The following CELF2 variants were observed in gnomAD, a reference collection of about 807,000 sequenced individuals.
CELF2 encodes the protein CUG triplet repeat RNA-binding protein 2.
A neutral mutation model predicts 62.6 loss-of-function variants in CELF2; 8 were observed. That is an observed-to-expected ratio of 0.13 (90% confidence interval 0.07 to 0.23). The LOEUF (loss-of-function observed/expected upper bound fraction) is 0.23, where lower values mean the gene tolerates loss of function less well. CELF2 is among the 10% of genes least tolerant of loss of function. The pLI is 1.00. For synonymous variants in CELF2, 258 were observed against 250.0 expected (o/e 1.03, Z -0.30); for missense variants, 333 against 671.0 (o/e 0.50, Z 5.56).
rs565445658 is a variant in CELF2 at position 11,282,969 on chromosome 10, T to G, written c.842-5449T>G. ...CTCTTTAAGACATGGGGTCTCACTC[T>G]GTTGCCCAGGCTGGACTTGAACTCC... On this transcript the variant is annotated intron_variant, in intron 8 of 12. Transcript: ENST00000633077. Among the ~76,000 whole-genome samples the G allele has an allele frequency of 3.3e-5, 5 of 152,360 alleles. No homozygotes were observed. In the South Asian group the frequency reaches 8.3e-4, roughly 25 times the overall value.
At chr10:11,231,383 G>A (rs1325243693) in intron 3 of CELF2, among the ~76,000 whole-genome samples, 2 of 152,150 alleles carry the variant, frequency 1.3e-5, no homozygotes, top group Non-Finnish European at 1.5e-5. Flanking sequence ...GCAGTTGGGC[G>A]ACCAAATAAG....
rs2053869592 is a variant in CELF2, at chr10:10,995,606, A to G, written c.89+75607A>G. ...GACATAGGTGGATCTCATGGGCATT[A>G]TTATGTGGCTTGGACTTCATCTTAG... is the stretch of plus-strand genomic sequence containing the variant. On this transcript the variant is annotated intron_variant, in intron 2 of 13. Coordinates refer to the CELF2 transcript ENST00000636488. This position sits in a 1 kb window ranked among gnomAD's most constrained non-coding sequence, Gnocchi z 4.7. 6.6e-6 allele frequency among the ~76,000 whole-genome samples: 1 copy of G among 152,178 alleles called. No individual in the cohort carries two copies. The highest frequency in any genetic ancestry group is 2.4e-5 in the African/African-American group (1 of 41,442).
rs1310375511 is a variant in CELF2, at chr10:11,324,267, C to G, written c.1295-1569C>G. Among the ~76,000 whole-genome samples the G allele has an allele frequency of 1.3e-5, 2 of 152,216 alleles. No homozygotes were observed. Among genetic ancestry groups the G allele is most frequent in the East Asian group, 1.9e-4 (1 of 5,204 alleles). ...GTTCAAACTGGGGCCCAATAACTCT[C>G]ATTTGTGCATTTGGATCTTTTGTGC... is the stretch of plus-strand genomic sequence containing the variant. On this transcript the variant is annotated intron_variant, in intron 11 of 12. Transcript: ENST00000633077. The surrounding 1 kb of genome is among the most constrained non-coding windows in gnomAD (Gnocchi z 4.7).
chr10:10,753,506 C>T, the CELF2 span, among the ~76,000 whole-genome samples: 41 of 152,264 alleles, frequency 2.7e-4, no homozygotes, highest in African/African-American at 9.6e-4. Context: ...GGTATCATTG[C>T]GGATACGAAT....
At chr10:11,287,396 T>C (rs1256616697) in intron 8 of CELF2, among the ~76,000 whole-genome samples, 28 of 152,216 alleles carry the variant, frequency 1.8e-4, no homozygotes, top group Admixed American at 1.8e-3. Context: ...GGAGAAAAGA[T>C]AGTTAAACTA....
At chr10:10,971,572 GTTGT>G (rs1219933320) in intron 2 of CELF2, among the ~76,000 whole-genome samples, 10 of 151,930 alleles carry the variant, frequency 6.6e-5, no homozygotes, top group Non-Finnish European at 1.3e-4. Flanking sequence ...TGTTGTTGTT[GTTGT>G]TTGTTTGTTT....
the CELF2 span, among the ~76,000 whole-genome samples, chr10:10,542,881 C>T: frequency 7.2e-5 from 11 of 152,142 alleles, no homozygotes; most frequent in Admixed American, 2.0e-4. Flanking sequence ...TGTTGGTCTC[C>T]TGGGCTGGAC....
At chr10:11,248,483 C>T (rs567756013) in intron 3 of CELF2, among the ~76,000 whole-genome samples, 50 of 152,146 alleles carry the variant, frequency 3.3e-4, no homozygotes, top group Admixed American at 3.2e-3. Context: ...GCTCTTTGTT[C>T]GTATTCTGTA....
rs528749012 is a variant in CELF2 at position 11,224,298 on chromosome 10, C to A, written c.354+6791C>A. On this transcript the variant is annotated intron_variant, in intron 3 of 12. Coordinates refer to ENST00000633077, the MANE Select transcript of CELF2 (RefSeq NM_001326342.2). The surrounding 1 kb of genome is among the most constrained non-coding windows in gnomAD (Gnocchi z 4.5). ...TAACGCGCTGGTACTGGTGCCTGAT[C>A]AGATTTGCAAAAGTGCCTTGTGTCA... is the stretch of plus-strand genomic sequence containing the variant. Among the ~76,000 whole-genome samples, 2 of 152,246 alleles carry A rather than the reference C, an allele frequency of 1.3e-5. No individual in the cohort carries two copies. The highest frequency in any genetic ancestry group is 4.8e-5 in the African/African-American group (2 of 41,528).
At chr10:10,469,749 A>C in the CELF2 span, among the ~76,000 whole-genome samples, 1 of 151,714 alleles carries the variant, frequency 6.6e-6, no homozygotes, top group Admixed American at 6.6e-5. Flanking sequence ...TGTTTGATGG[A>C]ATTTACCAGT....
At chr10:10,666,868 A>G in the CELF2 span, among the ~76,000 whole-genome samples, 1 of 149,858 alleles carries the variant, frequency 6.7e-6, no homozygotes, top group Non-Finnish European at 1.5e-5. Flanking sequence ...TCTCAAAAAA[A>G]AAAAAAAAAA....
intron 1 of CELF2, among the ~76,000 whole-genome samples, chr10:11,137,734 A>G (rs1468896400): frequency 6.6e-6 from 1 of 152,282 alleles, no homozygotes; most frequent in Non-Finnish European, 1.5e-5. Flanking sequence ...CGACAAATTC[A>G]GCTCCACAGA....
chr10:10,557,203 T>G, the CELF2 span, among the ~76,000 whole-genome samples: 141 of 136,306 alleles, frequency 1.0e-3, 3 homozygotes, highest in South Asian at 0.033. Context: ...CTTGAATTGA[T>G]TTTTGTATAA....
intron 1 of CELF2, among the ~76,000 whole-genome samples, chr10:10,851,464 A>G (rs117675412): frequency 8.5e-5 from 13 of 152,318 alleles, no homozygotes; most frequent in Non-Finnish European, 1.6e-4. Flanking sequence ...CGACCTCAAT[A>G]TAAAACTTAA....
Position 10,931,675 on chromosome 10 carries a change from A to G in CELF2, c.89+11676A>G, listed in dbSNP as rs965508525. Among the ~76,000 whole-genome samples, 1 of 152,234 alleles carries G rather than the reference A, an allele frequency of 6.6e-6. No individual in the cohort carries two copies. The highest frequency in any genetic ancestry group is 1.5e-5 in the Non-Finnish European group (1 of 68,034). ...TGCGTATGGTTTACAAGTTTTTAAA[A>G]TACATACCTAATTAATAATGGAGAT... On this transcript the variant is annotated intron_variant, in intron 2 of 13. Transcript: ENST00000636488. This position sits in a 1 kb window ranked among gnomAD's most constrained non-coding sequence, Gnocchi z 6.1.
At position 11,049,115 on chromosome 10, in the gene CELF2, G is replaced by T. The variant is rs1456633126; in HGVS notation, c.74+30952G>T. 1.8e-4 allele frequency among the ~76,000 whole-genome samples: 18 copies of T among 102,786 alleles called. No individual in the cohort carries two copies. The East Asian group carries it at 3.8e-3, about 22-fold the overall frequency. The allele number at this position is 102,786 out of a possible 152,430, so 67.4% of individuals were successfully genotyped here. On this transcript the variant is annotated intron_variant, in intron 1 of 12. Transcript: ENST00000633077. The stretch of plus-strand genomic sequence containing the variant: ...GTTCTTATGTAACCTTGAACAAACT[G>T]TTCTGTTAAAAAAAAAAAAAGTCTT...
In CELF2 at chr10:11,270,847, G is replaced by A. The variant is rs762562363; in HGVS notation, c.777+23G>A. The A allele has an allele frequency of 1.7e-5, 23 of 1,349,886 alleles. No homozygotes were observed. Among genetic ancestry groups the A allele is most frequent in the African/African-American group, 1.3e-4 (9 of 66,794 alleles). 83.6% of individuals were successfully genotyped at this position (1,349,886 alleles called of 1,614,324 possible). On this transcript the variant is annotated intron_variant, in intron 7 of 12. Coordinates refer to ENST00000633077, the MANE Select transcript of CELF2 (RefSeq NM_001326342.2). This position sits in a 1 kb window ranked among gnomAD's most constrained non-coding sequence, Gnocchi z 5.8. Reference sequence around the variant, plus strand: ...GCGGTAAGTGCTGGGCAATGCCGGCGTGGTCTTCACCCGCTGAAACTCTGC... The same window carrying A: ...GCGGTAAGTGCTGGGCAATGCCGGCATGGTCTTCACCCGCTGAAACTCTGC...
rs1015394203 is a variant in CELF2 at position 11,269,838 on chromosome 10, C to G, written c.619-828C>G. 1.3e-5 allele frequency among the ~76,000 whole-genome samples: 2 copies of G among 152,230 alleles called. No individual in the cohort carries two copies. Among genetic ancestry groups the G allele is most frequent in the African/African-American group, 2.4e-5 (1 of 41,458 alleles). ...TTTAGCCATTTCTTTCTCACTACCC[C>G]TACTCCTTGCCTTTTAAAGGAAATT... On this transcript the variant is annotated intron_variant, in intron 6 of 12. Transcript: ENST00000633077. This position sits in a 1 kb window ranked among gnomAD's most constrained non-coding sequence, Gnocchi z 4.4.
the CELF2 span, among the ~76,000 whole-genome samples, chr10:10,775,156 C>T: frequency 3.3e-5 from 5 of 152,070 alleles, no homozygotes; most frequent in Non-Finnish European, 7.4e-5. Context: ...GGATTACAGG[C>T]GTGAGCCACA....
Sources: gnomAD v4.1 joint callset for allele counts (sites outside exome capture counted in the v4.1 genomes callset) on GRCh38, gnomAD v4.1.1 for gene constraint, Gnocchi (gnomAD v3.1) non-coding constraint, MANE v1.5 for transcripts, NCBI Gene and HGNC (gene_info 2026-07-23, HGNC 2026-07-21) for gene names.